FBF1: variants seen among roughly 807,000 people sequenced by gnomAD.
FBF1 encodes the protein fas-binding factor 1.
FBF1 carries 119 observed loss-of-function variants against 147.2 expected under a neutral mutation model. The observed-to-expected ratio is 0.81, with a 90% CI of 0.70 to 0.94. The LOEUF is 0.94. Among genes scored for constraint, FBF1 ranks in the 40% least tolerant of loss-of-function variants. FBF1 has a pLI of 0.00. For missense variants in FBF1, 1,449 were observed against 1,500.8 expected (o/e 0.97, Z 0.57); for synonymous variants, 601 against 609.0 (o/e 0.99, Z 0.19).
intron 1 of FBF1, chr17:75,939,674 G>GA (rs2065648651): frequency 6.6e-6 from 1 of 152,134 alleles, no homozygotes; most frequent in Non-Finnish European, 1.5e-5. Context: ...GGGATTACAG[G>GA]TGTGAGCCAC....
chr17:75,917,976 G>T lies in FBF1; in HGVS notation c.2341C>A (p.Gln781Lys). ...TGCCGGATCCCCAGCTCCCGCTCCT[G>T]GGAGGTGGTGAGGTGCGAGGCCTCC... ...RVEASHLTTSQERELGIRQRD... is the reference protein window; with the variant it reads ...RVEASHLTTSKERELGIRQRD... The change falls in exon 22 of 30, where the codon CAG (glutamine) becomes AAG (lysine). Residue 781 changes from glutamine to lysine, a missense_variant. Physicochemically the swap from Gln to Lys is moderately conservative, Grantham distance 53. Coordinates refer to ENST00000636174, the MANE Select transcript of FBF1 (RefSeq NM_001319193.2). 6.2e-7 allele frequency: 1 copy of T among 1,610,082 alleles called. No homozygotes were observed. The highest frequency in any genetic ancestry group is 2.2e-5 in the East Asian group (1 of 44,782).
chr17:75,931,287 G>C lies in FBF1; in HGVS notation c.170C>G (p.Ser57Cys), dbSNP rs766818540. The C allele has an allele frequency of 1.9e-6, 3 of 1,582,090 alleles. No individual in the cohort carries two copies. The highest frequency in any genetic ancestry group is 2.3e-5 in the South Asian group (2 of 86,122). ...GCTGAAGACATCATCACCCAGGAGG[G>C]ACCTGCAAAGGGGAGGCGTCAGCCC... The part of the protein sequence containing the change: ...MFPSSKARTK[S>C]LLGDDVFSTM... The change falls in exon 6 of 30, where the codon TCC becomes TGC. Residue 57 changes from serine (S) to cysteine (C), a missense_variant and splice_region_variant. Coordinates refer to ENST00000636174, the MANE Select transcript of FBF1 (RefSeq NM_001319193.2).
At chr17:75,926,599 T>C (rs887683544) in intron 10 of FBF1, among the ~76,000 whole-genome samples, 159 bp downstream of exon 10, 1 of 152,210 alleles carries the variant, frequency 6.6e-6, no homozygotes, top group African/African-American at 2.4e-5. Flanking sequence ...TCACACGTCC[T>C]ACCTTCCTAT....
At position 75,921,578 on chromosome 17, in the gene FBF1, G is replaced by A. The variant is rs1414840582; in HGVS notation, c.1527-18C>T. 1 of 1,606,206 alleles carries A rather than the reference G, an allele frequency of 6.2e-7. No individual in the cohort carries two copies. Among genetic ancestry groups the A allele is most frequent in the Admixed American group, 1.7e-5 (1 of 59,124 alleles). On this transcript the variant is annotated intron_variant, in intron 15 of 29. Coordinates refer to ENST00000636174, the MANE Select transcript of FBF1 (RefSeq NM_001319193.2). ...CAGGGGACCTGAGGACACAGGGATG[G>A]GGCATGGTGAGCAGCCTCTGTGTGG...
chr17:75,931,280 C>G lies in FBF1; in HGVS notation c.177G>C (p.Leu59=), dbSNP rs773754653. The change falls in exon 6 of 30, where the codon CTG becomes CTC. Residue 59 remains leucine (L), a synonymous_variant. Coordinates refer to ENST00000636174, the MANE Select transcript of FBF1 (RefSeq NM_001319193.2). ...CCATGGTGCTGAAGACATCATCACC[C>G]AGGAGGGACCTGCAAAGGGGAGGCG... ...PSSKARTKSL[L]GDDVFSTMAG... is the part of the protein sequence containing the mutation. 6.3e-7 allele frequency: 1 copy of G among 1,583,238 alleles called. No individual in the cohort carries two copies. Among genetic ancestry groups the G allele is most frequent in the East Asian group, 2.3e-5 (1 of 43,256 alleles).
chr17:75,937,547 G>A lies in FBF1; in HGVS notation c.31+19C>T. The stretch of plus-strand genomic sequence containing the variant: ...GATATATATTTGGCTTAAGAGTAAT[G>A]TTCCATCTCTCCACTCACCTTTACA... On this transcript the variant is annotated intron_variant, in intron 3 of 29. Transcript: ENST00000636174. 1.9e-6 allele frequency: 3 copies of A among 1,613,492 alleles called. No homozygotes were observed. The highest frequency in any genetic ancestry group is 2.5e-6 in the Non-Finnish European group (3 of 1,179,490).
rs751998978 is a variant in FBF1, at chr17:75,921,512, G to C, written c.1575C>G (p.Ser525=). 3 of 1,613,278 alleles carry C rather than the reference G, an allele frequency of 1.9e-6. No homozygotes were observed. The highest frequency in any genetic ancestry group is 2.5e-6 in the Non-Finnish European group (3 of 1,179,670). ...CTCCAGGGGCTGTTCCCCTCTTTGG[G>C]GAACCTGTAGGGAGTGCTGAGGCGG... is the stretch of plus-strand genomic sequence containing the variant. ...NHAASALPTG[S]PKRGTAPGDL... Residue 525 remains serine (S), a synonymous_variant, in exon 16 of 30, where the codon TCC becomes TCG. Transcript: ENST00000636174.
intron 4 of FBF1, among the ~76,000 whole-genome samples, chr17:75,933,563 TG>T (rs1480232643): frequency 6.6e-6 from 1 of 152,156 alleles, no homozygotes; most frequent in African/African-American, 2.4e-5. Context: ...AGGAGCTTTG[TG>T]GGTTCTCTGG....
rs556937261 is a variant in FBF1, at chr17:75,924,799, C to T, written c.968+548G>A. 3.9e-5 allele frequency among the ~76,000 whole-genome samples: 6 copies of T among 152,276 alleles called. No individual in the cohort carries two copies. In the East Asian group the frequency reaches 7.7e-4, roughly 20 times the overall value. The stretch of plus-strand genomic sequence containing the variant: ...AGCCGACTTTTGAAGTTTGAAATTA[C>T]TTCAAAATACAAAGTTTAAAATATA... On this transcript the variant is annotated intron_variant, in intron 13 of 29. Coordinates refer to ENST00000636174, the MANE Select transcript of FBF1 (RefSeq NM_001319193.2).
chr17:75,926,280 A>T lies in FBF1; in HGVS notation c.734+8T>A. On this transcript the variant is annotated splice_region_variant and intron_variant, in intron 11 of 29. Transcript: ENST00000636174. ...AGGCAGCAGCCTGGCCTACTCAGGG[A>T]TCCTTACTGGTCTCCTATCTGCCTC... 1 of 1,612,830 alleles carries T rather than the reference A, an allele frequency of 6.2e-7. No individual in the cohort carries two copies. The highest frequency in any genetic ancestry group is 8.5e-7 in the Non-Finnish European group (1 of 1,179,554).
intron 7 of FBF1, 47 bp downstream of exon 7, chr17:75,929,950 A>G: frequency 9.3e-6 from 2 of 214,752 alleles, no homozygotes; most frequent in East Asian, 1.4e-4. Context: ...TCATGACCCC[A>G]CCCCACCCAC....
intron 4 of FBF1, among the ~76,000 whole-genome samples, chr17:75,934,213 T>TTAA (rs1234553096): frequency 6.6e-6 from 1 of 152,170 alleles, no homozygotes; most frequent in Non-Finnish European, 1.5e-5. Context: ...CATAAAAAAG[T>TTAA]TAAAGTACTG....
In FBF1 at chr17:75,919,840, G is replaced by C; in HGVS notation, c.1966C>G (p.Gln656Glu). ...TCTCTCCGGAGCCGCTCCTCCCGTT[G>C]CTGGTACGATGTTTCTAGCACCTTG... is the stretch of plus-strand genomic sequence containing the variant. ...RIKVLETSYQ[Q>E]REERLRRENE... The change falls in exon 20 of 30, where the codon CAA becomes GAA. Residue 656 changes from glutamine to glutamate, a missense_variant. Gln to Glu is a conservative substitution (Grantham distance 29, BLOSUM62 2). Coordinates refer to ENST00000636174, the MANE Select transcript of FBF1 (RefSeq NM_001319193.2). The surrounding 1 kb of genome is among the most constrained non-coding windows in gnomAD (Gnocchi z 5.0). The C allele has an allele frequency of 6.2e-7, 1 of 1,613,824 alleles. No homozygotes were observed. Among genetic ancestry groups the C allele is most frequent in the Middle Eastern group, 1.6e-4 (1 of 6,062 alleles).
intron 28 of FBF1, 55 bp downstream of exon 28, chr17:75,913,647 A>G: frequency 7.0e-7 from 1 of 1,435,848 alleles, no homozygotes. Flanking sequence ...GCCCACTCCT[A>G]GCACTGCCCC....
intron 6 of FBF1, among the ~76,000 whole-genome samples, chr17:75,930,485 T>A (rs1295919846): frequency 6.6e-6 from 1 of 152,192 alleles, no homozygotes; most frequent in East Asian, 1.9e-4. Flanking sequence ...GGGCATTATT[T>A]ACAGTGGCTC....
At chr17:75,931,111 G>T in intron 6 of FBF1, 118 bp downstream of exon 6, 2 of 1,086,628 alleles carry the variant, frequency 1.8e-6, no homozygotes, top group Non-Finnish European at 2.7e-6. Context: ...CAAACAAAAA[G>T]AACAAAGTGA....
chr17:75,929,922 A>T, intron 7 of FBF1, 75 bp downstream of exon 7: 1 of 1,249,992 alleles, frequency 8.0e-7, no homozygotes, highest in Non-Finnish European at 1.1e-6. Context: ...AAGGAGAATG[A>T]AGCTTTGGTA....
chr17:75,935,670 G>A lies in FBF1; in HGVS notation c.35C>T (p.Ser12Phe), dbSNP rs2065620081. 2 of 1,537,044 alleles carry A rather than the reference G, an allele frequency of 1.3e-6. No individual in the cohort carries two copies. Among genetic ancestry groups the A allele is most frequent in the Middle Eastern group, 1.7e-4 (1 of 5,990 alleles). Residue 12 changes from serine to phenylalanine, a missense_variant, in exon 4 of 30, where the codon TCC (serine) becomes TTC (phenylalanine). Coordinates refer to ENST00000636174, the MANE Select transcript of FBF1 (RefSeq NM_001319193.2). ...APKTKKGCKG[S>F]IDDFLGDLLG... ...AAGGTCACCAAGAAAATCATCAATG[G>A]AGCCTGGAACAGAAAAGGGACTGTC...
intron 9 of FBF1, 44 bp from the exon 10 acceptor site, chr17:75,926,921 T>C (rs1004415508): frequency 3.2e-6 from 5 of 1,580,904 alleles, no homozygotes; most frequent in Non-Finnish European, 4.3e-6. Flanking sequence ...CAGCACTTAG[T>C]TGAGGAAAAG....
Sources: allele counts gnomAD v4.1 joint callset (sites outside exome capture counted in the v4.1 genomes callset), GRCh38; gene constraint gnomAD v4.1.1; non-coding constraint Gnocchi (gnomAD v3.1); transcripts MANE v1.5; gene names NCBI Gene and HGNC (gene_info 2026-07-23, HGNC 2026-07-21).